Variants in MRTFA observed in about 807,000 individuals in gnomAD.
MRTFA encodes the protein myocardin related transcription factor A.
Under a neutral mutation model 83.5 loss-of-function variants are expected in MRTFA, and 20 were observed. The ratio of observed to expected loss-of-function variants is 0.24; its 90% CI spans 0.17 to 0.35. MRTFA has a LOEUF of 0.35. Among genes scored for constraint, MRTFA ranks in the 10% least tolerant of loss-of-function variants. MRTFA has a pLI of 1.00. For missense variants in MRTFA, 1,200 were observed against 1,224.7 expected (o/e 0.98, Z 0.30); for synonymous variants, 659 against 541.2 (o/e 1.22, Z -3.02).
intron 2 of MRTFA, among the ~76,000 whole-genome samples, chr22:40,555,668 G>A (rs895097540): frequency 4.1e-5 from 6 of 147,838 alleles, no homozygotes; most frequent in Admixed American, 1.4e-4. Flanking sequence ...GCAGAGTCTC[G>A]CTCTGTTGCC....
intron 3 of MRTFA, among the ~76,000 whole-genome samples, chr22:40,541,289 C>G (rs1323135237): frequency 1.3e-5 from 2 of 152,108 alleles, no homozygotes. Flanking sequence ...TTTTTATGAA[C>G]TCTGTGGGAT....
chr22:40,492,944 C>T (rs1314638841), intron 3 of MRTFA, among the ~76,000 whole-genome samples: 1 of 152,150 alleles, frequency 6.6e-6, no homozygotes, highest in Non-Finnish European at 1.5e-5. Context: ...CATATTTGAC[C>T]TTTCCTTTAG....
intron 3 of MRTFA, among the ~76,000 whole-genome samples, chr22:40,465,349 G>T (rs2053795898): frequency 6.6e-6 from 1 of 152,124 alleles, no homozygotes; most frequent in Middle Eastern, 3.2e-3. Flanking sequence ...TCAAAAGGAT[G>T]TTACAAACAG....
At position 40,416,265 on chromosome 22, in the gene MRTFA, G is replaced by T. The variant is rs1297641742; in HGVS notation, c.2578+721C>A. ...ACCAACCTGGCTCTCTCCAAATGGG[G>T]CTGATTCCAGCCGCTCCTCTGCCCG... On this transcript the variant is annotated intron_variant, in intron 14 of 14. Coordinates refer to ENST00000355630, the MANE Select transcript of MRTFA (RefSeq NM_020831.6). This position sits in a 1 kb window ranked among gnomAD's most constrained non-coding sequence, Gnocchi z 4.2. Among the ~76,000 whole-genome samples, 1 of 152,154 alleles carries T rather than the reference G, an allele frequency of 6.6e-6. No homozygotes were observed. Among genetic ancestry groups the T allele is most frequent in the Non-Finnish European group, 1.5e-5 (1 of 68,020 alleles).
At chr22:40,535,345 T>TTCC (rs1312814635) in intron 3 of MRTFA, among the ~76,000 whole-genome samples, 11 of 96,176 alleles carry the variant, frequency 1.1e-4, no homozygotes, top group Non-Finnish European at 2.1e-4. Flanking sequence ...TGAGAGGTTT[T>TTCC]TTCTTTTTTT....
chr22:40,499,914 C>CTTTT lies in MRTFA; in HGVS notation c.242-36632_242-36629dup, dbSNP rs72041822. Among the ~76,000 whole-genome samples the CTTTT allele has an allele frequency of 2.8e-3, 235 of 84,950 alleles. 3 individuals are homozygous for CTTTT. Among genetic ancestry groups the CTTTT allele is most frequent in the Middle Eastern group, 9.1e-3 (1 of 110 alleles). 55.7% of individuals were successfully genotyped at this position (84,950 alleles called of 152,430 possible). A position where few individuals can be genotyped will look rare whatever the true frequency, so the allele number is the denominator to read the frequency against. ...ACCTGGACAAGATTTTCAAGTAGAC[C>CTTTT]TTTTTTTTTTTTTTTTTTTTTTTTT... On this transcript the variant is annotated intron_variant, in intron 3 of 14. Transcript: ENST00000355630.
chr22:40,416,894 G>A lies in MRTFA; in HGVS notation c.2578+92C>T, dbSNP rs955811327. 1.9e-5 allele frequency: 23 copies of A among 1,226,640 alleles called. No individual in the cohort carries two copies. In the East Asian group the frequency reaches 2.5e-4, roughly 14 times the overall value. 76.0% of individuals were successfully genotyped at this position (1,226,640 alleles called of 1,614,324 possible). On this transcript the variant is annotated intron_variant, in intron 14 of 14. Coordinates refer to ENST00000355630, the MANE Select transcript of MRTFA (RefSeq NM_020831.6). The surrounding 1 kb of genome is among the most constrained non-coding windows in gnomAD (Gnocchi z 4.2). Reference sequence around the variant, plus strand: ...TGCTTGCCCAAGACTGGTCACGCACGGAAGCATTCAATAAAAACAAACCAA... The same window carrying A: ...TGCTTGCCCAAGACTGGTCACGCACAGAAGCATTCAATAAAAACAAACCAA...
At chr22:40,459,822 C>CATATATATATATATATATATATAT (rs1284924516) in intron 4 of MRTFA, among the ~76,000 whole-genome samples, 1 of 68,266 alleles carries the variant, frequency 1.5e-5, no homozygotes, top group African/African-American at 6.5e-5. Flanking sequence ...CACACACACA[C>CATATATATATATATATATATATAT]ATATATACAT....
chr22:40,416,960 G>A lies in MRTFA; in HGVS notation c.2578+26C>T. 1 of 1,581,752 alleles carries A rather than the reference G, an allele frequency of 6.3e-7. No individual in the cohort carries two copies. Among genetic ancestry groups the A allele is most frequent in the Non-Finnish European group, 8.6e-7 (1 of 1,162,974 alleles). On this transcript the variant is annotated intron_variant, in intron 14 of 14. Coordinates refer to ENST00000355630, the MANE Select transcript of MRTFA (RefSeq NM_020831.6). The surrounding 1 kb of genome is among the most constrained non-coding windows in gnomAD (Gnocchi z 4.2). ...ACCTATGAACAGAGAAGGCCGTCAG[G>A]GAGGCAGCAGGGGACCTGGGGTTAC...
chr22:40,449,596 C>A (rs1389446195), intron 4 of MRTFA, among the ~76,000 whole-genome samples: 1 of 152,168 alleles, frequency 6.6e-6, no homozygotes, highest in Non-Finnish European at 1.5e-5. Context: ...CATTGCTTCC[C>A]TAATCTAACA....
intron 1 of MRTFA, among the ~76,000 whole-genome samples, chr22:40,625,993 C>T (rs1255583888): frequency 6.7e-6 from 1 of 149,276 alleles, no homozygotes; most frequent in Non-Finnish European, 1.5e-5. Flanking sequence ...ATAACCCTTA[C>T]TTTTTTTTTT....
chr22:40,440,548 C>T (rs952721435), intron 4 of MRTFA, among the ~76,000 whole-genome samples: 1 of 152,220 alleles, frequency 6.6e-6, no homozygotes, highest in Non-Finnish European at 1.5e-5. Context: ...GGAGGGAGCA[C>T]TGGCCCCTCT....
intron 1 of MRTFA, among the ~76,000 whole-genome samples, chr22:40,599,396 T>A (rs1189445159): frequency 6.6e-6 from 1 of 152,222 alleles, no homozygotes; most frequent in African/African-American, 2.4e-5. Context: ...AGTGGAAATT[T>A]AGCTTTTAAA....
chr22:40,538,875 G>C (rs1430146291), intron 3 of MRTFA, among the ~76,000 whole-genome samples: 4 of 149,430 alleles, frequency 2.7e-5, no homozygotes. Context: ...ATTTCCAATA[G>C]AACAAAAGGT....
chr22:40,545,469 TCCC>T (rs1339046532), intron 3 of MRTFA, among the ~76,000 whole-genome samples: 1 of 151,850 alleles, frequency 6.6e-6, no homozygotes, highest in Non-Finnish European at 1.5e-5. Flanking sequence ...TTGCTCTTGT[TCCC>T]CAGGCTGGAG....
At chr22:40,572,344 G>A (rs1016188987) in intron 2 of MRTFA, among the ~76,000 whole-genome samples, 1 of 152,152 alleles carries the variant, frequency 6.6e-6, no homozygotes, top group African/African-American at 2.4e-5. Flanking sequence ...GTGCAGAGGT[G>A]CACATCTATA....
At chr22:40,432,906 T>TG (rs1389362577) in intron 5 of MRTFA, among the ~76,000 whole-genome samples, 1 of 152,154 alleles carries the variant, frequency 6.6e-6, no homozygotes, top group East Asian at 1.9e-4. Context: ...CAGATGACAG[T>TG]GGAAGACTTA....
chr22:40,586,156 T>A (rs1254040509), intron 2 of MRTFA, among the ~76,000 whole-genome samples: 1 of 152,034 alleles, frequency 6.6e-6, no homozygotes, highest in Non-Finnish European at 1.5e-5. Context: ...TATTTTTTTT[T>A]ATCTCCATCA....
intron 3 of MRTFA, among the ~76,000 whole-genome samples, chr22:40,465,799 A>C (rs2053804152): frequency 6.6e-6 from 1 of 151,992 alleles, no homozygotes; most frequent in Non-Finnish European, 1.5e-5. Flanking sequence ...TCCTGGGCTG[A>C]AGTGATCTGT....
Sources: gnomAD v4.1 joint callset for allele counts (sites outside exome capture counted in the v4.1 genomes callset) on GRCh38, gnomAD v4.1.1 for gene constraint, Gnocchi (gnomAD v3.1) non-coding constraint, MANE v1.5 for transcripts, NCBI Gene and HGNC (gene_info 2026-07-23, HGNC 2026-07-21) for gene names.